NRG3: variants seen among roughly 807,000 people sequenced by gnomAD.
NRG3 encodes the protein pro-neuregulin-3, membrane-bound isoform.
Under a neutral mutation model 66.9 loss-of-function variants are expected in NRG3, and 31 were observed. That is an observed-to-expected ratio of 0.46 (90% CI 0.35 to 0.63). The LOEUF (loss-of-function observed/expected upper bound fraction) is 0.63. Among genes scored for constraint, NRG3 ranks in the 20% least tolerant of loss-of-function variants. The pLI is 0.00. For synonymous variants in NRG3, 393 were observed against 359.4 expected (o/e 1.09, Z -1.06); for missense variants, 910 against 878.9 (o/e 1.04, Z -0.45).
At chr10:82,133,044 A>T (rs1409682886) in intron 1 of NRG3, among the ~76,000 whole-genome samples, 1 of 150,752 alleles carries the variant, frequency 6.6e-6, no homozygotes, top group Admixed American at 6.6e-5. Context: ...TGTATTTTTT[A>T]TTTCAATTTT....
intron 1 of NRG3, among the ~76,000 whole-genome samples, chr10:82,343,444 A>T (rs2082789689): frequency 6.6e-6 from 1 of 152,218 alleles, no homozygotes; most frequent in African/African-American, 2.4e-5. Flanking sequence ...TTGAAGAATC[A>T]ATATCATTAA....
intron 1 of NRG3, among the ~76,000 whole-genome samples, chr10:82,061,831 T>C (rs1328327800): frequency 6.7e-6 from 1 of 148,542 alleles, no homozygotes; most frequent in Non-Finnish European, 1.5e-5. Flanking sequence ...CTTCTTTCTG[T>C]CAGTGTCCCT....
chr10:82,343,749 C>G (rs1324368678), intron 1 of NRG3, among the ~76,000 whole-genome samples: 1 of 152,094 alleles, frequency 6.6e-6, no homozygotes, highest in Non-Finnish European at 1.5e-5. Context: ...TATATGGTAA[C>G]TAACCACTGC....
At chr10:82,198,640 A>G (rs1051769110) in intron 1 of NRG3, among the ~76,000 whole-genome samples, 2 of 151,900 alleles carry the variant, frequency 1.3e-5, no homozygotes, top group African/African-American at 4.8e-5. Flanking sequence ...TCATTCATTC[A>G]CCCCCTCTTC....
At chr10:82,954,391 TCTC>T (rs1564661935) in intron 5 of NRG3, among the ~76,000 whole-genome samples, 1 of 151,624 alleles carries the variant, frequency 6.6e-6, no homozygotes, top group Non-Finnish European at 1.5e-5. Flanking sequence ...GAGATCAACA[TCTC>T]CTCCTGGGAC....
At chr10:82,623,291 T>C (rs1448519936) in intron 2 of NRG3, among the ~76,000 whole-genome samples, 1 of 152,200 alleles carries the variant, frequency 6.6e-6, no homozygotes, top group African/African-American at 2.4e-5. Context: ...AGAATTGGTC[T>C]CTGAGCCCCA....
At chr10:82,855,345 T>C (rs2063752634) in intron 3 of NRG3, among the ~76,000 whole-genome samples, 1 of 152,078 alleles carries the variant, frequency 6.6e-6, no homozygotes, top group Non-Finnish European at 1.5e-5. Context: ...TTCTCTTGAG[T>C]AGACTTTCCC....
chr10:82,451,504 C>G (rs1007418216), intron 2 of NRG3, among the ~76,000 whole-genome samples: 1 of 151,986 alleles, frequency 6.6e-6, no homozygotes, highest in Non-Finnish European at 1.5e-5. Context: ...TTAGCAAAAC[C>G]CAGGAGTGAT....
intron 3 of NRG3, among the ~76,000 whole-genome samples, chr10:82,841,128 T>C (rs2063035451): frequency 6.6e-6 from 1 of 152,074 alleles, no homozygotes; most frequent in South Asian, 2.1e-4. Context: ...ACTGGAGTTA[T>C]GCTGCCAAAA....
intron 1 of NRG3, among the ~76,000 whole-genome samples, chr10:82,111,919 T>G (rs1005690805): frequency 4.6e-5 from 7 of 152,264 alleles, no homozygotes; most frequent in African/African-American, 1.7e-4. Context: ...TCCAATAATA[T>G]GAGGTTGCTC....
At position 82,150,372 on chromosome 10, in the gene NRG3, C is replaced by T. The variant is rs2070615788; in HGVS notation, c.824-208367C>T. On this transcript the variant is annotated intron_variant, in intron 1 of 8. Transcript: ENST00000372141. ...CAGCCCACCCCTTTGGTGGCTACAC[C>T]AGCTTGGCACAGTCTCTCATTGCTG... Among the ~76,000 whole-genome samples the T allele has an allele frequency of 3.9e-5, 6 of 152,116 alleles. No homozygotes were observed. In the South Asian group the frequency reaches 1.0e-3, roughly 26 times the overall value.
intron 1 of NRG3, among the ~76,000 whole-genome samples, chr10:81,977,432 G>A (rs533164734): frequency 3.9e-5 from 6 of 152,060 alleles, no homozygotes; most frequent in South Asian, 4.1e-4. Flanking sequence ...AATGTATTTC[G>A]TATTTATTAT....
chr10:82,940,286 C>T (rs941329834), intron 4 of NRG3, among the ~76,000 whole-genome samples: 2 of 152,096 alleles, frequency 1.3e-5, no homozygotes, highest in Non-Finnish European at 2.9e-5. Flanking sequence ...TATTAGCAGA[C>T]TTGGTTTCTT....
chr10:82,346,039 A>G (rs2082999428), intron 1 of NRG3, among the ~76,000 whole-genome samples: 1 of 151,732 alleles, frequency 6.6e-6, no homozygotes, highest in South Asian at 2.1e-4. Flanking sequence ...CTCTTTTCCT[A>G]ATTGAATACC....
chr10:82,727,458 TC>T (rs1158120560), intron 2 of NRG3, among the ~76,000 whole-genome samples: 3 of 152,204 alleles, frequency 2.0e-5, no homozygotes, highest in African/African-American at 7.2e-5. Flanking sequence ...GGCCATGGCT[TC>T]AGAGGGTGCA....
At chr10:82,641,970 A>G (rs2050612929) in intron 2 of NRG3, among the ~76,000 whole-genome samples, 1 of 152,088 alleles carries the variant, frequency 6.6e-6, no homozygotes, top group African/African-American at 2.4e-5. Flanking sequence ...CTTATCATCC[A>G]TCCCCTCAAC....
chr10:82,191,750 G>C (rs948473593), intron 1 of NRG3, among the ~76,000 whole-genome samples: 1 of 152,150 alleles, frequency 6.6e-6, no homozygotes, highest in African/African-American at 2.4e-5. Flanking sequence ...TTATGGCTTA[G>C]CATGCATGCT....
intron 1 of NRG3, among the ~76,000 whole-genome samples, chr10:81,906,045 T>A (rs2132699695): frequency 6.6e-6 from 1 of 152,348 alleles, no homozygotes; most frequent in Non-Finnish European, 1.5e-5. Context: ...ATTCTTTGTC[T>A]TAGTGACTTT....
At chr10:82,593,261 C>T (rs1266079382) in intron 2 of NRG3, among the ~76,000 whole-genome samples, 1 of 152,068 alleles carries the variant, frequency 6.6e-6, no homozygotes, top group Admixed American at 6.6e-5. Flanking sequence ...AATTTGTTGC[C>T]CCATGGGGCT....
Sources: allele counts gnomAD v4.1 joint callset (sites outside exome capture counted in the v4.1 genomes callset), GRCh38; gene constraint gnomAD v4.1.1; transcripts MANE v1.5; gene names NCBI Gene and HGNC (gene_info 2026-07-23, HGNC 2026-07-21).